The following DIS3L variants were observed in gnomAD, a reference collection of about 807,000 sequenced individuals.
DIS3L encodes DIS3-like exonuclease 1.
A neutral mutation model predicts 120.3 loss-of-function variants in DIS3L; 100 were observed. That is an observed-to-expected ratio of 0.83 (90% CI 0.71 to 0.98). DIS3L has a LOEUF of 0.98. Ranked by LOEUF, DIS3L falls within the 50% of genes least tolerant of loss-of-function variation. The pLI, the probability that DIS3L is intolerant of heterozygous loss-of-function variation, is 0.00. For missense variants in DIS3L, 1,196 were observed against 1,314.2 expected (o/e 0.91, Z 1.39); for synonymous variants, 426 against 470.6 (o/e 0.91, Z 1.23).
At chr15:66,323,455 T>C (rs2092906345) in intron 10 of DIS3L, 38 bp from the exon 11 acceptor site, 1 of 1,608,596 alleles carries the variant, frequency 6.2e-7, no homozygotes, top group Admixed American at 1.7e-5. Context: ...TGCTTCTCCC[T>C]GCTAAAGGTC....
In DIS3L at chr15:66,322,908, T is replaced by A. The variant is rs1203138482; in HGVS notation, c.1548T>A (p.Ser516=). The change falls in exon 10 of 17, where the codon TCT becomes TCA. Residue 516 remains serine, a synonymous_variant. Transcript: ENST00000319212. ...ADVTHFVAPN[S]YIDIEARTRA... is the part of the protein sequence containing the mutation. ...TAACACACTTTGTGGCACCAAATTC[T>A]TACATTGATATTGAAGCTAGAACAA... The A allele has an allele frequency of 1.1e-5, 17 of 1,614,088 alleles. No homozygotes were observed. The highest frequency in any genetic ancestry group is 1.4e-5 in the Non-Finnish European group (16 of 1,180,034).
chr15:66,331,795 C>A, intron 14 of DIS3L, 80 bp from the exon 15 acceptor site: 1 of 1,367,908 alleles, frequency 7.3e-7, no homozygotes, highest in Non-Finnish European at 9.6e-7. Flanking sequence ...CAGAATCTCA[C>A]ATTTGAATGA....
At position 66,295,144 on chromosome 15, in the gene DIS3L, A is replaced by G; in HGVS notation, c.293+3A>G. 1 of 1,612,878 alleles carries G rather than the reference A, an allele frequency of 6.2e-7. No homozygotes were observed. Among genetic ancestry groups the G allele is most frequent in the Non-Finnish European group, 8.5e-7 (1 of 1,179,510 alleles). On this transcript the variant is annotated splice_donor_region_variant and intron_variant, in intron 2 of 16. Coordinates refer to ENST00000319212, the MANE Select transcript of DIS3L (RefSeq NM_001143688.3). ...GTGCAGCATCAAAGAGGCAGGAGGT[A>G]TACGTTTTGCATTCTTTATTTCTAT...
At position 66,308,866 on chromosome 15, in the gene DIS3L, G is replaced by A. The variant is rs758202631; in HGVS notation, c.558+22G>A. The A allele has an allele frequency of 1.4e-5, 22 of 1,601,554 alleles. No homozygotes were observed. The Admixed American group carries it at 3.4e-4, about 25-fold the overall frequency. Reference sequence around the variant, plus strand: ...CAAGGTATTTCCAGATATTGTATATGTATGAGTGCTCATTTTCTAAGTAGT... The same window carrying A: ...CAAGGTATTTCCAGATATTGTATATATATGAGTGCTCATTTTCTAAGTAGT... On this transcript the variant is annotated intron_variant, in intron 4 of 16. Coordinates refer to ENST00000319212, the MANE Select transcript of DIS3L (RefSeq NM_001143688.3).
In DIS3L at chr15:66,332,911, G is replaced by A. The variant is rs965228164; in HGVS notation, c.2856+1G>A. The A allele has an allele frequency of 1.4e-5, 22 of 1,607,136 alleles. No individual in the cohort carries two copies. The highest frequency in any genetic ancestry group is 5.1e-5 in the Admixed American group (3 of 58,596). On this transcript the variant is annotated splice_donor_variant, in intron 16 of 16. Coordinates refer to ENST00000319212, the MANE Select transcript of DIS3L (RefSeq NM_001143688.3). LOFTEE classifies it high-confidence loss of function. ...GTTCCATTTGTTTGACCATGTAACC[G>A]TAAGTCTGTGTTTCTATTAAGTATT...
chr15:66,320,664 C>T lies in DIS3L; in HGVS notation c.1258C>T (p.Leu420=). 1 of 1,614,082 alleles carries T rather than the reference C, an allele frequency of 6.2e-7. No individual in the cohort carries two copies. Among genetic ancestry groups the T allele is most frequent in the Middle Eastern group, 1.7e-4 (1 of 6,060 alleles). Residue 420 remains leucine (L), a synonymous_variant, in exon 9 of 17, where the codon CTG becomes TTG. Transcript: ENST00000319212. ...GCGTGTTTTAGGAAGAATCGGAGATCTGGAAGGGGAAATTGCAACCATCCT... is the reference window on the plus strand; with the variant it reads ...GCGTGTTTTAGGAAGAATCGGAGATTTGGAAGGGGAAATTGCAACCATCCT... The part of the protein sequence containing the change: ...FVRVLGRIGD[L]EGEIATILVE...
intron 2 of DIS3L, among the ~76,000 whole-genome samples, chr15:66,304,768 G>A (rs1318698879): frequency 6.6e-6 from 1 of 151,600 alleles, no homozygotes; most frequent in African/African-American, 2.4e-5. Context: ...AGGCATGGTG[G>A]CGGGCTCCTG....
At chr15:66,311,644 G>A (rs1216966020) in intron 4 of DIS3L, 80 bp from the exon 5 acceptor site, 16 of 1,542,534 alleles carry the variant, frequency 1.0e-5, no homozygotes, top group Non-Finnish European at 1.4e-5. Flanking sequence ...GCAATTCCTA[G>A]TCAGGAGTTT....
Position 66,307,102 on chromosome 15 carries a change from A to G in DIS3L, c.422+150A>G, listed in dbSNP as rs558309577. ...TAACACCGAAATGCTTACCATGTCA[A>G]TATTTTAGATATATCATTTGAATAT... On this transcript the variant is annotated intron_variant, in intron 3 of 16. Coordinates refer to ENST00000319212, the MANE Select transcript of DIS3L (RefSeq NM_001143688.3). The G allele has an allele frequency of 3.8e-5, 39 of 1,038,096 alleles. No individual in the cohort carries two copies. In the South Asian group the frequency reaches 6.5e-4, roughly 17 times the overall value. 64.3% of individuals were successfully genotyped at this position (1,038,096 alleles called of 1,614,324 possible).
chr15:66,327,273 C>T (rs1439070619), intron 12 of DIS3L, among the ~76,000 whole-genome samples: 2 of 152,078 alleles, frequency 1.3e-5, no homozygotes, highest in African/African-American at 2.4e-5. Flanking sequence ...CTGTTAGTTA[C>T]CCTTGATTTA....
chr15:66,324,676 A>AT (rs1432881294), intron 11 of DIS3L, among the ~76,000 whole-genome samples: 1 of 152,100 alleles, frequency 6.6e-6, no homozygotes, highest in African/African-American at 2.4e-5. Context: ...AATATGTTGT[A>AT]TTTTTTTATC....
chr15:66,304,680 C>T (rs2092684389), intron 2 of DIS3L, among the ~76,000 whole-genome samples: 1 of 151,948 alleles, frequency 6.6e-6, no homozygotes, highest in African/African-American at 2.4e-5. Flanking sequence ...GCGGGTGGAT[C>T]ACCTGAGGTC....
chr15:66,325,709 A>AGT, intron 11 of DIS3L, 122 bp from the exon 12 acceptor site: 1 of 1,122,512 alleles, frequency 8.9e-7, no homozygotes, highest in Non-Finnish European at 1.3e-6. Context: ...AGCAGTGAGC[A>AGT]GTGATCATGC....
intron 1 of DIS3L, chr15:66,294,548 T>G: frequency 1.0e-6 from 1 of 990,854 alleles, no homozygotes; most frequent in Non-Finnish European, 1.2e-6. Flanking sequence ...TTTTCTCTGT[T>G]CAATCTTTCT....
At chr15:66,299,983 G>A (rs946951602) in intron 2 of DIS3L, among the ~76,000 whole-genome samples, 2 of 152,094 alleles carry the variant, frequency 1.3e-5, no homozygotes, top group Non-Finnish European at 1.5e-5. Flanking sequence ...CCTGGGAGGC[G>A]GAGGTTGCAG....
intron 5 of DIS3L, among the ~76,000 whole-genome samples, chr15:66,312,343 G>T (rs548884731): frequency 6.6e-6 from 1 of 152,180 alleles, no homozygotes; most frequent in African/African-American, 2.4e-5. Flanking sequence ...GGTTGTCAGT[G>T]TTTCAGGTGG....
At chr15:66,324,227 C>T (rs1352386032) in intron 11 of DIS3L, among the ~76,000 whole-genome samples, 4 of 152,048 alleles carry the variant, frequency 2.6e-5, no homozygotes, top group South Asian at 2.1e-4. Flanking sequence ...GAGATCATTC[C>T]GTATTAATAA....
rs375695005 is a variant in DIS3L at position 66,333,319 on chromosome 15, C to T, written c.*7C>T. 2 of 1,583,748 alleles carry T rather than the reference C, an allele frequency of 1.3e-6. No individual in the cohort carries two copies. The highest frequency in any genetic ancestry group is 1.7e-6 in the Non-Finnish European group (2 of 1,169,214). On this transcript the variant is annotated 3_prime_UTR_variant, in exon 17 of 17. Coordinates refer to ENST00000319212, the MANE Select transcript of DIS3L (RefSeq NM_001143688.3). The stretch of plus-strand genomic sequence containing the variant: ...AAACAATTATGGAATATGAGAGGCT[C>T]TTACTTCACTAAGAGCTGTCATATG...
At chr15:66,294,314 T>A (rs2092560931) in intron 1 of DIS3L, 1 of 985,288 alleles carries the variant, frequency 1.0e-6, no homozygotes, top group South Asian at 4.7e-5. Context: ...TGGGCCCCAG[T>A]CCTTGGTTTC....
Sources: gnomAD v4.1 joint callset for allele counts (sites outside exome capture counted in the v4.1 genomes callset) on GRCh38, gnomAD v4.1.1 for gene constraint, MANE v1.5 for transcripts, NCBI Gene and HGNC (gene_info 2026-07-23, HGNC 2026-07-21) for gene names.